Variants in HECW1 observed in about 807,000 individuals in gnomAD.
HECW1 encodes the protein E3 ubiquitin-protein ligase HECW1.
HECW1 carries 61 observed loss-of-function variants against 182.3 expected under a neutral mutation model. The ratio of observed to expected loss-of-function variants is 0.33; its 90% CI spans 0.27 to 0.41. The LOEUF (loss-of-function observed/expected upper bound fraction) is 0.41, where lower values mean the gene tolerates loss of function less well. Among genes scored for constraint, HECW1 ranks in the 10% least tolerant of loss-of-function variants. The pLI, the probability that HECW1 is intolerant of heterozygous loss-of-function variation, is 1.00. For missense variants in HECW1, 1,739 were observed against 2,108.9 expected (o/e 0.82, Z 3.44); for synonymous variants, 859 against 832.6 (o/e 1.03, Z -0.55).
intron 5 of HECW1, among the ~76,000 whole-genome samples, chr7:43,355,933 G>T (rs1342600373): frequency 1.3e-5 from 2 of 152,104 alleles, no homozygotes; most frequent in Non-Finnish European, 2.9e-5. Context: ...AGGTTGCAGT[G>T]AGCCAAGATT....
intron 2 of HECW1, among the ~76,000 whole-genome samples, chr7:43,138,861 G>C (rs893677985): frequency 1.3e-5 from 2 of 152,206 alleles, no homozygotes; most frequent in South Asian, 4.1e-4. Flanking sequence ...CCTGAACAAA[G>C]AGAAACAGAT....
intron 3 of HECW1, among the ~76,000 whole-genome samples, chr7:43,289,231 C>T (rs1417755097): frequency 6.6e-6 from 1 of 152,022 alleles, no homozygotes; most frequent in Non-Finnish European, 1.5e-5. Context: ...CTCAGCCTCC[C>T]GAGTAGATGG....
intron 24 of HECW1, among the ~76,000 whole-genome samples, chr7:43,512,938 C>G (rs964793797): frequency 6.6e-6 from 1 of 152,124 alleles, no homozygotes; most frequent in Non-Finnish European, 1.5e-5. Flanking sequence ...GCTTCTTTAT[C>G]CTTCGCTGAC....
At chr7:43,150,341 T>C (rs946081531) in intron 2 of HECW1, among the ~76,000 whole-genome samples, 5 of 152,214 alleles carry the variant, frequency 3.3e-5, no homozygotes, top group Admixed American at 6.5e-5. Flanking sequence ...TGCTTTAACA[T>C]TGGAAGGCTA....
At chr7:43,287,382 C>T (rs547442956) in intron 3 of HECW1, among the ~76,000 whole-genome samples, 4 of 151,830 alleles carry the variant, frequency 2.6e-5, no homozygotes, top group East Asian at 1.9e-4. Context: ...TTGTGATGGG[C>T]GGGCAGGAGG....
At chr7:43,531,043 C>G (rs2080962409) in intron 24 of HECW1, among the ~76,000 whole-genome samples, 1 of 152,222 alleles carries the variant, frequency 6.6e-6, no homozygotes, top group South Asian at 2.1e-4. Context: ...ACAACCTTAT[C>G]TCACATCTTG....
intron 6 of HECW1, among the ~76,000 whole-genome samples, chr7:43,362,863 G>C (rs1816143005): frequency 6.6e-6 from 1 of 152,212 alleles, no homozygotes; most frequent in African/African-American, 2.4e-5. Context: ...CAGACACAAG[G>C]ATCCCTTAGC....
intron 5 of HECW1, among the ~76,000 whole-genome samples, chr7:43,341,102 T>G (rs1417422230): frequency 6.6e-6 from 1 of 151,592 alleles, no homozygotes; most frequent in Non-Finnish European, 1.5e-5. Context: ...AGGTGGGAAT[T>G]GAACAATGAG....
chr7:43,318,205 T>C (rs2152778381), intron 4 of HECW1, among the ~76,000 whole-genome samples: 1 of 152,306 alleles, frequency 6.6e-6, no homozygotes, highest in East Asian at 1.9e-4. Flanking sequence ...GTGGAGAAAT[T>C]CGGGGAAATA....
chr7:43,538,587 T>C (rs548823956), intron 24 of HECW1, among the ~76,000 whole-genome samples: 2 of 152,268 alleles, frequency 1.3e-5, no homozygotes, highest in African/African-American at 4.8e-5. Flanking sequence ...CATCTCAAAA[T>C]AGACACAGAG....
chr7:43,308,203 A>T (rs1489553100), intron 3 of HECW1, among the ~76,000 whole-genome samples: 9 of 100,694 alleles, frequency 8.9e-5, no homozygotes, highest in East Asian at 2.3e-4. Flanking sequence ...ATTTATATAT[A>T]TTTTTATATA....
At chr7:43,466,993 C>T (rs569812660) in intron 15 of HECW1, among the ~76,000 whole-genome samples, 1 of 152,132 alleles carries the variant, frequency 6.6e-6, no homozygotes, top group Non-Finnish European at 1.5e-5. Context: ...TTTCGAATAT[C>T]GTGCTGAAGT....
intron 2 of HECW1, among the ~76,000 whole-genome samples, chr7:43,159,039 C>T (rs1199724746): frequency 1.3e-5 from 2 of 152,170 alleles, no homozygotes. Context: ...GCTGGAGCTG[C>T]TGGTCTAGGG....
chr7:43,492,308 CT>C, intron 18 of HECW1, 128 bp downstream of exon 18: 1 of 671,890 alleles, frequency 1.5e-6, no homozygotes, highest in Non-Finnish European at 2.6e-6. Context: ...CCTTTCTCCT[CT>C]TTTAGGATAT....
chr7:43,177,020 T>C (rs1449451672), intron 2 of HECW1, among the ~76,000 whole-genome samples: 1 of 152,230 alleles, frequency 6.6e-6, no homozygotes, highest in Non-Finnish European at 1.5e-5. Context: ...CTGGCTATTA[T>C]TTTATGACAT....
intron 2 of HECW1, chr7:43,239,362 C>T (rs1167671325): frequency 6.6e-6 from 1 of 152,208 alleles, no homozygotes; most frequent in Non-Finnish European, 1.5e-5. Context: ...TCTAGTGTGA[C>T]ATTTCAGGAA....
intron 2 of HECW1, among the ~76,000 whole-genome samples, chr7:43,237,130 G>A (rs1798430059): frequency 6.8e-6 from 1 of 147,342 alleles, no homozygotes; most frequent in Non-Finnish European, 1.5e-5. Context: ...AAGAAGGAAG[G>A]AAGGAAGGAA....
At chr7:43,114,485 G>C (rs917247473) in intron 2 of HECW1, 94 bp downstream of exon 2, 286 of 1,103,112 alleles carry the variant, frequency 2.6e-4, no homozygotes, top group Non-Finnish European at 3.3e-4. Flanking sequence ...ATGAATGTGT[G>C]TGCCTGTTTG....
chr7:43,512,062 T>C (rs534270804), intron 24 of HECW1: 34 of 218,596 alleles, frequency 1.6e-4, no homozygotes, highest in African/African-American at 6.7e-4. Context: ...GCTGCTGATC[T>C]CGGGTCGGTG....
Sources: allele counts gnomAD v4.1 joint callset (sites outside exome capture counted in the v4.1 genomes callset), GRCh38; gene constraint gnomAD v4.1.1; transcripts MANE v1.5; gene names NCBI Gene and HGNC (gene_info 2026-07-23, HGNC 2026-07-21).